Variants in PIAS1 observed in about 807,000 individuals in gnomAD.
The protein encoded by PIAS1 is E3 SUMO-protein ligase PIAS1.
In PIAS1, 6 loss-of-function variants were observed where a neutral mutation model predicts 71.3. That is an observed-to-expected ratio of 0.08 (90% CI 0.05 to 0.17). The LOEUF is 0.17. PIAS1 is among the 10% of genes least tolerant of loss of function. The pLI is 1.00. For missense variants in PIAS1, 555 were observed against 793.6 expected (o/e 0.70, Z 3.61); for synonymous variants, 303 against 292.9 (o/e 1.03, Z -0.35).
chr15:68,139,930 A>G (rs2092759062), intron 2 of PIAS1, among the ~76,000 whole-genome samples: 1 of 152,178 alleles, frequency 6.6e-6, no homozygotes, highest in African/African-American at 2.4e-5. Flanking sequence ...TGAAAGGGCT[A>G]ATGGTAGCTT....
intron 2 of PIAS1, among the ~76,000 whole-genome samples, chr15:68,134,630 C>CCA (rs2092709382): frequency 2.5e-5 from 1 of 40,182 alleles, no homozygotes; most frequent in South Asian, 7.5e-4. Context: ...TAACCCCCCC[C>CCA]ACCTCCCTCC....
At chr15:68,073,821 T>C (rs1240665638) in intron 1 of PIAS1, among the ~76,000 whole-genome samples, 1 of 152,156 alleles carries the variant, frequency 6.6e-6, no homozygotes, top group African/African-American at 2.4e-5. Flanking sequence ...TATTTTAGAA[T>C]GATCACTGGC....
chr15:68,103,273 A>AC (rs2141001118), intron 2 of PIAS1, among the ~76,000 whole-genome samples: 1 of 147,696 alleles, frequency 6.8e-6, no homozygotes, highest in South Asian at 2.1e-4. Flanking sequence ...ATAAAATGAT[A>AC]TTTTTTTTTC....
intron 7 of PIAS1, among the ~76,000 whole-genome samples, chr15:68,155,874 C>A (rs1366375946): frequency 6.6e-6 from 1 of 152,186 alleles, no homozygotes; most frequent in Non-Finnish European, 1.5e-5. Flanking sequence ...TCTAATCAAA[C>A]ACTATCCCCC....
At chr15:68,131,040 G>A (rs1450989579) in intron 2 of PIAS1, among the ~76,000 whole-genome samples, 2 of 152,170 alleles carry the variant, frequency 1.3e-5, no homozygotes, top group Non-Finnish European at 2.9e-5. Context: ...GTCAGACAGT[G>A]TGCCCAAGGT....
At chr15:68,123,971 T>C (rs567514395) in intron 2 of PIAS1, among the ~76,000 whole-genome samples, 1 of 52,196 alleles carries the variant, frequency 1.9e-5, no homozygotes, top group African/African-American at 6.9e-5. Context: ...TATGTATACA[T>C]ATGTGTGAAT....
chr15:68,122,925 A>G lies in PIAS1; in HGVS notation c.470-19021A>G, dbSNP rs557870842. ...AGGAACCCTAAGAAAATAGAATTTT[A>G]TTTTCTTTCTTGGGAAGTATCTGCA... On this transcript the variant is annotated intron_variant, in intron 2 of 13. Transcript: ENST00000249636. 5.9e-5 allele frequency among the ~76,000 whole-genome samples: 9 copies of G among 151,436 alleles called. No homozygotes were observed. The East Asian group carries it at 1.7e-3, about 29-fold the overall frequency.
Position 68,173,722 on chromosome 15 carries a change from C to A in PIAS1, c.1009-10C>A. ...ATTATCTAATATTTACTTTTTCTCC[C>A]TTTTTAAAGCTTGGTAAAATGCGGC... is the stretch of plus-strand genomic sequence containing the variant. On this transcript the variant is annotated splice_polypyrimidine_tract_variant and intron_variant, in intron 8 of 13. Transcript: ENST00000249636. The surrounding 1 kb of genome is among the most constrained non-coding windows in gnomAD (Gnocchi z 4.3). 6.7e-7 allele frequency: 1 copy of A among 1,501,940 alleles called. No homozygotes were observed. Among genetic ancestry groups the A allele is most frequent in the Non-Finnish European group, 9.0e-7 (1 of 1,114,902 alleles). The allele number at this position is 1,501,940 out of a possible 1,614,324, so 93.0% of individuals were successfully genotyped here. A position where few individuals can be genotyped will look rare whatever the true frequency, so the allele number is the denominator to read the frequency against.
intron 2 of PIAS1, among the ~76,000 whole-genome samples, chr15:68,118,241 A>G (rs376520323): frequency 3.3e-5 from 5 of 152,020 alleles, no homozygotes; most frequent in Admixed American, 1.3e-4. Flanking sequence ...GAATCACTTG[A>G]ACCTGGGAGG....
intron 1 of PIAS1, among the ~76,000 whole-genome samples, chr15:68,057,810 T>G (rs888560597): frequency 6.6e-6 from 1 of 152,270 alleles, no homozygotes; most frequent in Non-Finnish European, 1.5e-5. Flanking sequence ...TTAAAAACTC[T>G]ACAGTATAGT....
intron 1 of PIAS1, among the ~76,000 whole-genome samples, chr15:68,077,480 A>C (rs1261340315): frequency 6.6e-6 from 1 of 152,240 alleles, no homozygotes. Flanking sequence ...ACGAAATTTT[A>C]GAGCCATTGG....
intron 1 of PIAS1, among the ~76,000 whole-genome samples, chr15:68,083,619 T>G (rs1397384464): frequency 1.3e-5 from 2 of 152,138 alleles, no homozygotes; most frequent in African/African-American, 4.8e-5. Flanking sequence ...TGTCAACATA[T>G]TATAGCATGA....
chr15:68,065,736 CTTTTTTTT>C (rs35947814), intron 1 of PIAS1, among the ~76,000 whole-genome samples: 16 of 99,572 alleles, frequency 1.6e-4, no homozygotes, highest in Non-Finnish European at 2.9e-4. Flanking sequence ...GCTTGAAGTA[CTTTTTTTT>C]TTTTTTTTTT....
chr15:68,145,831 A>G lies in PIAS1; in HGVS notation c.618A>G (p.Glu206=). 1 of 1,607,642 alleles carries G rather than the reference A, an allele frequency of 6.2e-7. No homozygotes were observed. Among genetic ancestry groups the G allele is most frequent in the Non-Finnish European group, 8.5e-7 (1 of 1,174,368 alleles). The stretch of plus-strand genomic sequence containing the variant: ...TATTGTTTAGGTTTTGTTTATCAGA[A>G]ACCAGTTGTCCACAAGAAGATCACT... ...VQVQLRFCLS[E]TSCPQEDHFP... is the part of the protein sequence containing the mutation. Residue 206 remains glutamate, a synonymous_variant, in exon 5 of 14, where the codon GAA becomes GAG. Transcript: ENST00000249636.
intron 8 of PIAS1, among the ~76,000 whole-genome samples, chr15:68,165,291 T>C (rs996509354): frequency 1.2e-4 from 19 of 152,068 alleles, no homozygotes; most frequent in African/African-American, 4.3e-4. Flanking sequence ...CTGGCTAATT[T>C]TGTATTTTTA....
chr15:68,153,005 T>G (rs1476210048), intron 6 of PIAS1, among the ~76,000 whole-genome samples: 1 of 151,888 alleles, frequency 6.6e-6, no homozygotes, highest in Non-Finnish European at 1.5e-5. Flanking sequence ...CAGCTTCTGT[T>G]TGAAAACCTT....
intron 1 of PIAS1, among the ~76,000 whole-genome samples, chr15:68,075,168 T>C (rs1420531026): frequency 7.7e-6 from 1 of 130,282 alleles, no homozygotes; most frequent in Non-Finnish European, 1.6e-5. Context: ...CACTGCAACC[T>C]CCGCCCCCCC....
intron 1 of PIAS1, among the ~76,000 whole-genome samples, chr15:68,060,110 G>A (rs2091941414): frequency 1.3e-5 from 2 of 152,208 alleles, no homozygotes; most frequent in East Asian, 1.9e-4. Context: ...GTATGAAATC[G>A]ATTATGAAGT....
intron 1 of PIAS1, among the ~76,000 whole-genome samples, chr15:68,060,592 G>A (rs191354979): frequency 1.3e-4 from 20 of 152,010 alleles, no homozygotes; most frequent in African/African-American, 3.4e-4. Context: ...CAGGCTGGGC[G>A]ACAGAGTGAG....
Sources: allele counts gnomAD v4.1 joint callset (sites outside exome capture counted in the v4.1 genomes callset), GRCh38; gene constraint gnomAD v4.1.1; non-coding constraint Gnocchi (gnomAD v3.1); transcripts MANE v1.5; gene names NCBI Gene and HGNC (gene_info 2026-07-23, HGNC 2026-07-21).